DPY19L4: variants seen among roughly 807,000 people sequenced by gnomAD.
DPY19L4 encodes probable C-mannosyltransferase DPY19L4.
Under a neutral mutation model 102.8 loss-of-function variants are expected in DPY19L4, and 97 were observed. The ratio of observed to expected loss-of-function variants is 0.94; its 90% CI spans 0.80 to 1.12. DPY19L4 has a LOEUF of 1.12. DPY19L4 is among the 50% of genes most tolerant of loss of function. The pLI is 0.00. For missense variants in DPY19L4, 815 were observed against 850.4 expected, an observed-to-expected ratio of 0.96 and a Z score of 0.52; for synonymous variants, 252 against 283.1, an observed-to-expected ratio of 0.89 and a Z score of 1.10.
At chr8:94,720,793 A>T (rs183296185) in intron 1 of DPY19L4, among the ~76,000 whole-genome samples, 5 of 152,368 alleles carry the variant, frequency 3.3e-5, no homozygotes, top group African/African-American at 9.6e-5. Context: ...TACAAGGAAT[A>T]CTCATGGCAT....
chr8:94,724,341 C>T (rs954016569), intron 1 of DPY19L4, among the ~76,000 whole-genome samples: 1 of 152,182 alleles, frequency 6.6e-6, no homozygotes, highest in South Asian at 2.1e-4. Flanking sequence ...TATATCTTCC[C>T]CTTGTATTCT....
chr8:94,730,687 G>A (rs1224072436), intron 2 of DPY19L4, among the ~76,000 whole-genome samples: 1 of 150,294 alleles, frequency 6.7e-6, no homozygotes, highest in Non-Finnish European at 1.5e-5. Context: ...AGAGGTTGCA[G>A]TGAGTCGAGA....
At chr8:94,757,290 T>A (rs1812203103) in intron 7 of DPY19L4, among the ~76,000 whole-genome samples, 1 of 152,230 alleles carries the variant, frequency 6.6e-6, no homozygotes, top group African/African-American at 2.4e-5. Context: ...TAGCAAACTT[T>A]ATTATTTCAT....
At chr8:94,759,336 G>A (rs903588926) in intron 7 of DPY19L4, among the ~76,000 whole-genome samples, 7 of 151,912 alleles carry the variant, frequency 4.6e-5, no homozygotes, top group South Asian at 2.1e-4. Flanking sequence ...TTTACAGAGC[G>A]CTGATTGGTG....
At chr8:94,752,585 C>CA (rs370640228) in intron 6 of DPY19L4, among the ~76,000 whole-genome samples, 1,305 of 79,920 alleles carry the variant, frequency 0.016, 11 homozygotes, top group Middle Eastern at 0.036. Flanking sequence ...GACTCCATCT[C>CA]AAAAAAAAAA....
At chr8:94,741,818 T>C (rs960022108) in intron 6 of DPY19L4, among the ~76,000 whole-genome samples, 1 of 152,186 alleles carries the variant, frequency 6.6e-6, no homozygotes, top group African/African-American at 2.4e-5. Flanking sequence ...GGTGAGTAGG[T>C]TTGCACTTTT....
chr8:94,740,546 C>T (rs1353000149), intron 6 of DPY19L4, among the ~76,000 whole-genome samples: 2 of 152,082 alleles, frequency 1.3e-5, no homozygotes, highest in African/African-American at 4.8e-5. Flanking sequence ...GCTCCACCTC[C>T]CAGGTTCACA....
At chr8:94,765,042 T>C in intron 8 of DPY19L4, 141 bp from the exon 9 acceptor site, 1 of 683,992 alleles carries the variant, frequency 1.5e-6, no homozygotes. Flanking sequence ...TTAAAAATAT[T>C]GATTAAACAT....
chr8:94,785,817 A>G (rs1248573524), intron 17 of DPY19L4, among the ~76,000 whole-genome samples: 2 of 152,204 alleles, frequency 1.3e-5, no homozygotes, highest in African/African-American at 2.4e-5. Context: ...TAGACAGCAT[A>G]TTCCTGAATT....
At position 94,770,453 on chromosome 8, in the gene DPY19L4, G is replaced by A. The variant is rs778047216; in HGVS notation, c.1336G>A (p.Gly446Ser). 65 of 1,605,612 alleles carry A rather than the reference G, an allele frequency of 4.0e-5. No individual in the cohort carries two copies. The highest frequency in any genetic ancestry group is 5.4e-5 in the Non-Finnish European group (63 of 1,177,558). ...MLQVIFRRIN[G>S]KSLKETVTLE... ...AAAAAATACATTTTCTTTTTGTAGTGGTAAGTCCCTGAAGGAAACTGTTAC... is the reference window on the plus strand; with the variant it reads ...AAAAAATACATTTTCTTTTTGTAGTAGTAAGTCCCTGAAGGAAACTGTTAC... The change falls in exon 13 of 19, where the codon GGT becomes AGT. Residue 446 changes from glycine (G) to serine (S), a missense_variant and splice_region_variant. Transcript: ENST00000414645.
At chr8:94,737,162 G>A (rs1288938337) in intron 3 of DPY19L4, among the ~76,000 whole-genome samples, 1 of 152,112 alleles carries the variant, frequency 6.6e-6, no homozygotes, top group African/African-American at 2.4e-5. Flanking sequence ...GAGGGAGACA[G>A]AAGATTGAGG....
intron 17 of DPY19L4, among the ~76,000 whole-genome samples, chr8:94,786,776 G>A (rs1346350534): frequency 6.6e-6 from 1 of 152,128 alleles, no homozygotes; most frequent in Non-Finnish European, 1.5e-5. Flanking sequence ...TCAAACTCCT[G>A]ATCTCAAGTG....
chr8:94,786,448 TATTTTTAA>T (rs1813656589), intron 17 of DPY19L4, among the ~76,000 whole-genome samples: 1 of 151,888 alleles, frequency 6.6e-6, no homozygotes, highest in African/African-American at 2.4e-5. Flanking sequence ...TTTATTTATT[TATTTTTAA>T]TTAATTTATT....
chr8:94,787,992 T>C lies in DPY19L4; in HGVS notation c.1947T>C (p.Asn649=). The stretch of plus-strand genomic sequence containing the variant: ...TAATTGTAGAGGATGCTATCTGCAA[T>C]GAGGTGGGACCCATGAGAGGCTGTA... ...NYLIVEDAIC[N]EVGPMRGCRV... The change falls in exon 18 of 19, where the codon AAT becomes AAC. Residue 649 remains asparagine, a synonymous_variant. Transcript: ENST00000414645. 6.6e-7 allele frequency: 1 copy of C among 1,522,176 alleles called. No individual in the cohort carries two copies. Among genetic ancestry groups the C allele is most frequent in the Non-Finnish European group, 8.8e-7 (1 of 1,136,004 alleles). 94.3% of individuals were successfully genotyped at this position (1,522,176 alleles called of 1,614,324 possible). A position where few individuals can be genotyped will look rare whatever the true frequency, so the allele number is the denominator to read the frequency against.
At position 94,738,382 on chromosome 8, in the gene DPY19L4, A is replaced by C; in HGVS notation, c.266A>C (p.Glu89Ala). 6.5e-7 allele frequency: 1 copy of C among 1,526,842 alleles called. No individual in the cohort carries two copies. Among genetic ancestry groups the C allele is most frequent in the African/African-American group, 1.4e-5 (1 of 71,292 alleles). 94.6% of individuals were successfully genotyped at this position (1,526,842 alleles called of 1,614,324 possible). A position where few individuals can be genotyped will look rare whatever the true frequency, so the allele number is the denominator to read the frequency against. The part of the protein sequence containing the change: ...WFSNRQELER[E>A]ITFQGDSAIY... ...ATTTTCTTTTAGGAGCTTGAACGGG[A>C]AATCACGTTTCAGGGTGACAGTGCC... Residue 89 changes from glutamate (E) to alanine (A), a missense_variant, in exon 4 of 19, where the codon GAA becomes GCA. Coordinates refer to ENST00000414645, the MANE Select transcript of DPY19L4 (RefSeq NM_181787.3).
At chr8:94,749,945 A>G (rs936894482) in intron 6 of DPY19L4, among the ~76,000 whole-genome samples, 1 of 152,120 alleles carries the variant, frequency 6.6e-6, no homozygotes, top group African/African-American at 2.4e-5. Flanking sequence ...ATATAAAAAT[A>G]TTGGTTCATG....
chr8:94,726,555 T>C (rs1810698429), intron 2 of DPY19L4, 114 bp downstream of exon 2: 1 of 821,684 alleles, frequency 1.2e-6, no homozygotes, highest in Non-Finnish European at 1.8e-6. Context: ...TATGCTCAGC[T>C]TTCACTAGGT....
At chr8:94,762,991 C>T (rs901740674) in intron 8 of DPY19L4, among the ~76,000 whole-genome samples, 5 of 151,882 alleles carry the variant, frequency 3.3e-5, no homozygotes, top group Admixed American at 6.6e-5. Context: ...CTCTGTTGCC[C>T]AGGCTGGAGT....
intron 2 of DPY19L4, among the ~76,000 whole-genome samples, chr8:94,729,552 A>G (rs1407789442): frequency 8.0e-6 from 1 of 125,128 alleles, no homozygotes; most frequent in African/African-American, 3.1e-5. Flanking sequence ...TGAGCCGAGA[A>G]TGTGCCACTG....
Sources: gnomAD v4.1 joint callset for allele counts (sites outside exome capture counted in the v4.1 genomes callset) on GRCh38, gnomAD v4.1.1 for gene constraint, MANE v1.5 for transcripts, NCBI Gene and HGNC (gene_info 2026-07-23, HGNC 2026-07-21) for gene names.